The following CREBBP variants were observed in gnomAD, a reference collection of about 807,000 sequenced individuals.
CREBBP encodes CREB-binding protein.
In CREBBP, 19 loss-of-function variants were observed where a neutral mutation model predicts 265.0. The observed-to-expected ratio is 0.07, with a 90% CI of 0.05 to 0.11. CREBBP has a LOEUF of 0.11. Among genes scored for constraint, CREBBP ranks in the 10% least tolerant of loss-of-function variants. The probability of loss-of-function intolerance (pLI) is 1.00; values close to 1 mark genes in which losing one functional copy is unlikely to be tolerated. For synonymous variants in CREBBP, 1,457 were observed against 1,223.7 expected, an observed-to-expected ratio of 1.19 and a Z score of -3.98; for missense variants, 2,525 against 3,219.0, an observed-to-expected ratio of 0.78 and a Z score of 5.22.
rs988073777 is a variant in CREBBP, at chr16:3,729,215, G to A, written c.5832C>T (p.Ala1944=). 12 of 1,528,310 alleles carry A rather than the reference G, an allele frequency of 7.9e-6. No homozygotes were observed. The East Asian group carries it at 9.8e-5, about 12-fold the overall frequency. 94.7% of individuals were successfully genotyped at this position (1,528,310 alleles called of 1,614,324 possible). A position where few individuals can be genotyped will look rare whatever the true frequency, so the allele number is the denominator to read the frequency against. The change falls in exon 31 of 31, where the codon GCC becomes GCT. Residue 1944 remains alanine (A), a synonymous_variant. Transcript: ENST00000262367. The part of the protein sequence containing the change: ...STGKPTSQVP[A]PPPPAQPPPA... ...GAGGGGGCTGGGCCGGGGGTGGGGG[G>A]GCCGGCACCTGGCTGGTAGGCTTCC...
intron 1 of CREBBP, among the ~76,000 whole-genome samples, chr16:3,877,806 C>G (rs979477583): frequency 2.0e-5 from 3 of 152,202 alleles, no homozygotes; most frequent in African/African-American, 7.2e-5. Flanking sequence ...AACACATGAC[C>G]CAACTTAAGT....
chr16:3,770,813 A>C lies in CREBBP; in HGVS notation c.2637T>G (p.Pro879=). The C allele has an allele frequency of 6.2e-7, 1 of 1,613,800 alleles. No homozygotes were observed. The highest frequency in any genetic ancestry group is 8.5e-7 in the Non-Finnish European group (1 of 1,179,970). The change falls in exon 14 of 31, where the codon CCT becomes CCG. Residue 879 remains proline, a synonymous_variant. Coordinates refer to ENST00000262367, the MANE Select transcript of CREBBP (RefSeq NM_004380.3). ...GCTGAGTGGGAGCTGCTGGCTGGGGAGGAGTCATCCCAGGTGGTGTCGTGT... is the reference window on the plus strand; with the variant it reads ...GCTGAGTGGGAGCTGCTGGCTGGGGCGGAGTCATCCCAGGTGGTGTCGTGT... ...LQHTTPPGMT[P]PQPAAPTQPS... is the part of the protein sequence containing the mutation.
At chr16:3,803,484 G>A (rs1049423920) in intron 3 of CREBBP, among the ~76,000 whole-genome samples, 2 of 151,966 alleles carry the variant, frequency 1.3e-5, no homozygotes, top group Admixed American at 6.6e-5. Context: ...TAGCCTGGGC[G>A]ACAGATCGAG....
At chr16:3,804,088 A>C (rs2053780407) in intron 3 of CREBBP, among the ~76,000 whole-genome samples, 1 of 152,004 alleles carries the variant, frequency 6.6e-6, no homozygotes, top group Non-Finnish European at 1.5e-5. Flanking sequence ...GCTTAAAAAA[A>C]AAAAATCACC....
chr16:3,766,052 ATTT>A (rs890773383), intron 16 of CREBBP, among the ~76,000 whole-genome samples: 3 of 151,566 alleles, frequency 2.0e-5, no homozygotes, highest in Admixed American at 2.0e-4. Flanking sequence ...ACAAATGTTG[ATTT>A]TTTTTTGACA....
chr16:3,849,448 T>A (rs1567360661), intron 2 of CREBBP, among the ~76,000 whole-genome samples: 1 of 50,394 alleles, frequency 2.0e-5, no homozygotes, highest in African/African-American at 5.1e-5. Context: ...TGTGTGTGTG[T>A]GTGTGTGTGT....
rs368288550 is a variant in CREBBP, at chr16:3,740,368, G to A, written c.4133+31C>T. On this transcript the variant is annotated intron_variant, in intron 24 of 30. Coordinates refer to ENST00000262367, the MANE Select transcript of CREBBP (RefSeq NM_004380.3). Reference sequence around the variant, plus strand: ...TGGCAAGCGGGCGTGGGGACTGCTCGCAGAGCACTGTAGAGAGCAGGCACA... The same window carrying A: ...TGGCAAGCGGGCGTGGGGACTGCTCACAGAGCACTGTAGAGAGCAGGCACA... The A allele has an allele frequency of 2.3e-5, 37 of 1,613,032 alleles. No homozygotes were observed. In the African/African-American group the frequency reaches 4.1e-4, roughly 18 times the overall value.
At chr16:3,792,186 A>T in intron 4 of CREBBP, 92 bp from the exon 5 acceptor site, 1 of 1,082,476 alleles carries the variant, frequency 9.2e-7, no homozygotes, top group African/African-American at 1.5e-5. Context: ...TTCCATAAGA[A>T]AATGGTAACA....
chr16:3,850,320 C>A lies in CREBBP; in HGVS notation c.775G>T (p.Ala259Ser), dbSNP rs750216784. 9.3e-6 allele frequency: 15 copies of A among 1,614,180 alleles called. No individual in the cohort carries two copies. Among genetic ancestry groups the A allele is most frequent in the Admixed American group, 1.7e-5 (1 of 60,026 alleles). Reference protein sequence around the residue: ...QMTGHAGLNTAQAGGMAKMGI... With the variant: ...QMTGHAGLNTSQAGGMAKMGI... ...ACCTTGGCCATGCCTCCTGCCTGTG[C>A]GGTGTTCAGTCCCGCGTGACCAGTC... Residue 259 changes from alanine (A) to serine (S), a missense_variant, in exon 2 of 31, where the codon GCA becomes TCA. Physicochemically the swap from Ala to Ser is moderately conservative, Grantham distance 99. Transcript: ENST00000262367.
At chr16:3,771,561 T>G in intron 13 of CREBBP, among the ~76,000 whole-genome samples, 1 of 151,982 alleles carries the variant, frequency 6.6e-6, no homozygotes, top group East Asian at 1.9e-4. Context: ...TCCCCTCATA[T>G]CCACTCGGAT....
intron 30 of CREBBP, chr16:3,730,633 G>C (rs776020946): frequency 4.3e-5 from 7 of 163,734 alleles, no homozygotes; most frequent in African/African-American, 1.7e-4. Context: ...AAAGGCCCTC[G>C]CTCTGCTGAG....
At position 3,879,889 on chromosome 16, in the gene CREBBP, G is replaced by A; in HGVS notation, c.28C>T (p.Pro10Ser). 2 of 1,612,760 alleles carry A rather than the reference G, an allele frequency of 1.2e-6. No individual in the cohort carries two copies. Among genetic ancestry groups the A allele is most frequent in the Non-Finnish European group, 1.7e-6 (2 of 1,179,388 alleles). The change falls in exon 1 of 31, where the codon CCC becomes TCC. Residue 10 changes from proline to serine, a missense_variant. By Grantham distance (74) the Pro-to-Ser change is moderately conservative (BLOSUM62 -1). Coordinates refer to ENST00000262367, the MANE Select transcript of CREBBP (RefSeq NM_004380.3). ...CTGAGTTTGGCTCTTTTGGGGTTGG[G>A]CGGTCCGTCCAGCAAGTTCTCAGCC... MAENLLDGP[P>S]NPKRAKLSSP... is the part of the protein sequence containing the mutation.
intron 10 of CREBBP, 40 bp downstream of exon 10, chr16:3,777,971 A>T (rs768451698): frequency 1.2e-6 from 2 of 1,607,316 alleles, no homozygotes; most frequent in Middle Eastern, 1.7e-4. Flanking sequence ...AAAACCAAGG[A>T]AACAGGCTAA....
At chr16:3,778,618 T>G in intron 9 of CREBBP, 82 bp downstream of exon 9, 1 of 1,177,348 alleles carries the variant, frequency 8.5e-7, no homozygotes, top group Non-Finnish European at 1.3e-6. Flanking sequence ...GATTCCACTA[T>G]TTCCAGATAA....
rs2151355460 is a variant in CREBBP, at chr16:3,745,300, G to C, written c.3891C>G (p.His1297Gln). ...ACCCTGAAGGCCAAATGATGTCATAGTGCAGAACGCAAATCTGATGCATCT... is the reference window on the plus strand; with the variant it reads ...ACCCTGAAGGCCAAATGATGTCATACTGCAGAACGCAAATCTGATGCATCT... ...GRKMHQICVL[H>Q]YDIIWPSGFV... Residue 1297 changes from histidine (H) to glutamine (Q), a missense_variant, in exon 22 of 31, where the codon CAC (histidine) becomes CAG (glutamine). By Grantham distance (24) the His-to-Gln change is conservative (BLOSUM62 0). This residue lies in a region of CREBBP where 252 missense variants were observed against 452.5 expected (regional missense o/e 0.56). Transcript: ENST00000262367. 1 of 1,614,048 alleles carries C rather than the reference G, an allele frequency of 6.2e-7. No individual in the cohort carries two copies. Among genetic ancestry groups the C allele is most frequent in the Non-Finnish European group, 8.5e-7 (1 of 1,179,946 alleles).
chr16:3,869,301 C>T (rs1597084018), intron 1 of CREBBP, among the ~76,000 whole-genome samples: 1 of 152,230 alleles, frequency 6.6e-6, no homozygotes, highest in African/African-American at 2.4e-5. Context: ...GGGCCTGTCA[C>T]ATCCCCACTG....
rs887346677 is a variant in CREBBP at position 3,850,939 on chromosome 16, G to A, written c.156C>T (p.Gly52=). The change falls in exon 2 of 31, where the codon GGC becomes GGT. Residue 52 remains glycine, a synonymous_variant. Coordinates refer to ENST00000262367, the MANE Select transcript of CREBBP (RefSeq NM_004380.3). The part of the protein sequence containing the change: ...DELIPNGGEL[G]LLNSGNLVPD... ...GAACAAGGTTCCCACTGTTTAAAAG[G>A]CCTAATTCTCCTCCATTGGGTATCA... 1.9e-6 allele frequency: 3 copies of A among 1,614,130 alleles called. No individual in the cohort carries two copies. Among genetic ancestry groups the A allele is most frequent in the Non-Finnish European group, 2.5e-6 (3 of 1,180,022 alleles).
intron 11 of CREBBP, among the ~76,000 whole-genome samples, chr16:3,775,969 T>A (rs897091237): frequency 3.3e-5 from 5 of 151,910 alleles, no homozygotes; most frequent in Middle Eastern, 3.2e-3. Flanking sequence ...CAGGCTGGAG[T>A]GCAGTGGTGT....
rs1400423132 is a variant in CREBBP at position 3,729,353 on chromosome 16, G to A, written c.5694C>T (p.Ser1898=). 2 of 1,602,414 alleles carry A rather than the reference G, an allele frequency of 1.2e-6. No individual in the cohort carries two copies. Among genetic ancestry groups the A allele is most frequent in the African/African-American group, 2.7e-5 (2 of 74,812 alleles). The change falls in exon 31 of 31, where the codon AGC becomes AGT. Residue 1898 remains serine, a synonymous_variant. Coordinates refer to ENST00000262367, the MANE Select transcript of CREBBP (RefSeq NM_004380.3). ...CAGGGGGCTGCGGCGTCTGGGGTGT[G>A]CTGGGCTGCTGTGTGGGGGTCCCGG... ...APPGTPTQQP[S]TPQTPQPPAQ... is the part of the protein sequence containing the mutation.
Sources: allele counts gnomAD v4.1 joint callset (sites outside exome capture counted in the v4.1 genomes callset), GRCh38; gene constraint gnomAD v4.1.1; regional missense constraint gnomAD v4.1.1; transcripts MANE v1.5; gene names NCBI Gene and HGNC (gene_info 2026-07-23, HGNC 2026-07-21).